GIT1: variants seen among roughly 807,000 people sequenced by gnomAD.
The protein encoded by GIT1 is GIT ArfGAP 1, also known as ARF GTPase-activating protein GIT1.
GIT1 carries 14 observed loss-of-function variants against 91.7 expected under a neutral mutation model. The ratio of observed to expected loss-of-function variants is 0.15; its 90% CI spans 0.10 to 0.24. The LOEUF (loss-of-function observed/expected upper bound fraction) is 0.24, where lower values mean the gene tolerates loss of function less well. Ranked by LOEUF, GIT1 falls within the 10% of genes least tolerant of loss-of-function variation. The probability of loss-of-function intolerance (pLI) is 1.00; values close to 1 mark genes in which losing one functional copy is unlikely to be tolerated. For synonymous variants in GIT1, 414 were observed against 418.2 expected (o/e 0.99, Z 0.12); for missense variants, 717 against 1,024.9 (o/e 0.70, Z 4.10).
Position 29,576,275 on chromosome 17 carries a change from A to C in GIT1, c.1556T>G (p.Phe519Cys). 1.2e-6 allele frequency: 2 copies of C among 1,611,592 alleles called. No homozygotes were observed. The highest frequency in any genetic ancestry group is 1.7e-6 in the Non-Finnish European group (2 of 1,178,846). ...MYEPGSALKP[F>C]GGPPGDELTT... ...GAGCTCGTCCCCAGGGGGGCCCCCA[A>C]AGGGCTTCAGGGCAGAGCCAGGTTC... Residue 519 changes from phenylalanine (F) to cysteine (C), a missense_variant, in exon 14 of 20, where the codon TTT becomes TGT. By Grantham distance (205) the Phe-to-Cys change is radical. Around this residue, in one of 3 missense-constraint regions of GIT1, gnomAD observed 312 missense variants for 349.5 expected, o/e 0.89. Transcript: ENST00000225394.
chr17:29,578,408 A>C (rs549583391), intron 8 of GIT1, 37 bp from the exon 9 acceptor site: 1 of 1,594,778 alleles, frequency 6.3e-7, no homozygotes, highest in Non-Finnish European at 8.6e-7. Flanking sequence ...TGTCAGATGC[A>C]TCGGCTCCCA....
At chr17:29,588,778 G>A (rs779674800) in intron 1 of GIT1, among the ~76,000 whole-genome samples, 11 of 152,184 alleles carry the variant, frequency 7.2e-5, no homozygotes, top group Non-Finnish European at 1.5e-4. Context: ...CCCGAGGCAG[G>A]GAGTCCTGGG....
chr17:29,576,107 A>G lies in GIT1; in HGVS notation c.1636T>C (p.Ser546Pro). The change falls in exon 15 of 20, where the codon TCA becomes CCA. Residue 546 changes from serine to proline, a missense_variant. This residue lies in a region of GIT1 where 312 missense variants were observed against 349.5 expected (regional missense o/e 0.89). Coordinates refer to ENST00000225394, the MANE Select transcript of GIT1 (RefSeq NM_014030.4). ...STELEDDAIY[S>P]VHVPAGLYRI... ...TAAAGGCCAGCAGGGACGTGCACTGAATAGATGGCGTCGTCCTCTAGCTCC... is the reference window on the plus strand; with the variant it reads ...TAAAGGCCAGCAGGGACGTGCACTGGATAGATGGCGTCGTCCTCTAGCTCC... 2 of 1,613,826 alleles carry G rather than the reference A, an allele frequency of 1.2e-6. No individual in the cohort carries two copies. The highest frequency in any genetic ancestry group is 1.7e-6 in the Non-Finnish European group (2 of 1,179,966).
chr17:29,575,272 C>T lies in GIT1; in HGVS notation c.2009+16G>A, dbSNP rs761903268. 35 of 1,602,280 alleles carry T rather than the reference C, an allele frequency of 2.2e-5. No homozygotes were observed. Among genetic ancestry groups the T allele is most frequent in the Non-Finnish European group, 2.8e-5 (33 of 1,173,122 alleles). On this transcript the variant is annotated intron_variant, in intron 18 of 19. Coordinates refer to ENST00000225394, the MANE Select transcript of GIT1 (RefSeq NM_014030.4). This position sits in a 1 kb window ranked among gnomAD's most constrained non-coding sequence, Gnocchi z 5.5. Reference sequence around the variant, plus strand: ...ACAGGAACTGCATCCCCCTCACCTCCCCCTCCACTCAGTACCTGTCATGCT... The same window carrying T: ...ACAGGAACTGCATCCCCCTCACCTCTCCCTCCACTCAGTACCTGTCATGCT...
chr17:29,574,977 A>G (rs775318741), intron 19 of GIT1, 63 bp from the exon 20 acceptor site: 26 of 1,493,730 alleles, frequency 1.7e-5, no homozygotes, highest in Non-Finnish European at 2.2e-5. Flanking sequence ...ATCAGGGCCC[A>G]GTTTGTCTGT....
At position 29,581,225 on chromosome 17, in the gene GIT1, G is replaced by A. The variant is rs1052884072; in HGVS notation, c.761+113C>T. On this transcript the variant is annotated intron_variant, in intron 7 of 19. Coordinates refer to ENST00000225394, the MANE Select transcript of GIT1 (RefSeq NM_014030.4). This position sits in a 1 kb window ranked among gnomAD's most constrained non-coding sequence, Gnocchi z 4.8. Reference sequence around the variant, plus strand: ...GGACTAAGCTGTGCCTCTAGTCTCTGGGGGGAGGGAGCAGGGTCCTAGGCC... The same window carrying A: ...GGACTAAGCTGTGCCTCTAGTCTCTAGGGGGAGGGAGCAGGGTCCTAGGCC... 1 of 783,886 alleles carries A rather than the reference G, an allele frequency of 1.3e-6. No individual in the cohort carries two copies. Among genetic ancestry groups the A allele is most frequent in the East Asian group, 2.5e-5 (1 of 39,712 alleles). The allele number at this position is 783,886 out of a possible 1,614,324, so 48.6% of individuals were successfully genotyped here.
intron 4 of GIT1, among the ~76,000 whole-genome samples, 182 bp from the exon 5 acceptor site, chr17:29,582,326 G>A (rs984308760): frequency 3.3e-5 from 5 of 152,244 alleles, no homozygotes; most frequent in East Asian, 1.9e-4. Flanking sequence ...AAACGCTGCC[G>A]TCAGTCACCA....
At chr17:29,583,411 AG>A in intron 2 of GIT1, 71 bp downstream of exon 2, 3 of 1,524,356 alleles carry the variant, frequency 2.0e-6, no homozygotes, top group East Asian at 2.3e-5. Flanking sequence ...TATGTGGGTG[AG>A]GGGGAAACGC....
Position 29,581,274 on chromosome 17 carries a change from TG to T in GIT1, c.761+63del. ...CCTCTGAAACCTGGGCTGGGAGCTC[TG>T]GGGGTCAGCCACCCACATGGCATCC... On this transcript the variant is annotated intron_variant, in intron 7 of 19. Transcript: ENST00000225394. The surrounding 1 kb of genome is among the most constrained non-coding windows in gnomAD (Gnocchi z 4.8). The T allele has an allele frequency of 8.0e-7, 1 of 1,257,418 alleles. No homozygotes were observed. Among genetic ancestry groups the T allele is most frequent in the South Asian group, 1.2e-5 (1 of 83,724 alleles). 77.9% of individuals were successfully genotyped at this position (1,257,418 alleles called of 1,614,324 possible). A position where few individuals can be genotyped will look rare whatever the true frequency, so the allele number is the denominator to read the frequency against.
intron 1 of GIT1, among the ~76,000 whole-genome samples, chr17:29,584,141 C>T (rs1185033888): frequency 6.6e-6 from 1 of 152,216 alleles, no homozygotes; most frequent in African/African-American, 2.4e-5. Flanking sequence ...TAAGCTGGAG[C>T]CCTCTTAAGG....
At chr17:29,584,278 C>G (rs2033507504) in intron 1 of GIT1, among the ~76,000 whole-genome samples, 1 of 152,250 alleles carries the variant, frequency 6.6e-6, no homozygotes, top group South Asian at 2.1e-4. Flanking sequence ...GATGAAGAAA[C>G]AGTGGCTCAG....
At chr17:29,588,417 G>A (rs2033672486) in intron 1 of GIT1, among the ~76,000 whole-genome samples, 1 of 152,178 alleles carries the variant, frequency 6.6e-6, no homozygotes, top group African/African-American at 2.4e-5. Context: ...AGCAGGCCTG[G>A]GGGGTTTCAC....
chr17:29,582,240 G>T, intron 4 of GIT1, 96 bp from the exon 5 acceptor site: 1 of 903,452 alleles, frequency 1.1e-6, no homozygotes, highest in Non-Finnish European at 1.7e-6. Flanking sequence ...ACACCTAGCA[G>T]CTCCAAGGAG....
Position 29,578,396 on chromosome 17 carries a change from G to T in GIT1, c.811-25C>A, listed in dbSNP as rs551714956. On this transcript the variant is annotated intron_variant, in intron 8 of 19. Coordinates refer to ENST00000225394, the MANE Select transcript of GIT1 (RefSeq NM_014030.4). ...GCTGGAGGAAGAGAGGGGCCCAGATGTTGTCAGATGCATCGGCTCCCAGTG... is the reference window on the plus strand; with the variant it reads ...GCTGGAGGAAGAGAGGGGCCCAGATTTTGTCAGATGCATCGGCTCCCAGTG... 2.0e-5 allele frequency: 32 copies of T among 1,608,350 alleles called. No homozygotes were observed. The African/African-American group carries it at 3.9e-4, about 19-fold the overall frequency.
In GIT1 at chr17:29,575,918, T is replaced by C. The variant is rs756078582; in HGVS notation, c.1666-20A>G. On this transcript the variant is annotated intron_variant, in intron 15 of 19. Coordinates refer to ENST00000225394, the MANE Select transcript of GIT1 (RefSeq NM_014030.4). The surrounding 1 kb of genome is among the most constrained non-coding windows in gnomAD (Gnocchi z 5.5). Reference sequence around the variant, plus strand: ...CCGGATCTGAAACCCAGGGCAGCGCTGGATGGAGTCAGTGTGCCCCACTGC... The same window carrying C: ...CCGGATCTGAAACCCAGGGCAGCGCCGGATGGAGTCAGTGTGCCCCACTGC... 10 of 1,592,798 alleles carry C rather than the reference T, an allele frequency of 6.3e-6. No homozygotes were observed. In the South Asian group the frequency reaches 9.0e-5, roughly 14 times the overall value.
rs765516078 is a variant in GIT1 at position 29,578,793 on chromosome 17, G to A, written c.762-14C>T. 1 of 1,613,714 alleles carries A rather than the reference G, an allele frequency of 6.2e-7. No individual in the cohort carries two copies. The highest frequency in any genetic ancestry group is 2.2e-5 in the East Asian group (1 of 44,878). On this transcript the variant is annotated splice_polypyrimidine_tract_variant and intron_variant, in intron 7 of 19. Coordinates refer to ENST00000225394, the MANE Select transcript of GIT1 (RefSeq NM_014030.4). ...GATAAGTCAAGGCTGAGGGCAGAGG[G>A]AGATGGGAATTGGGAGGAGAGGAGA...
rs374787973 is a variant in GIT1, at chr17:29,578,361, C to T, written c.821G>A (p.Arg274Gln). The T allele has an allele frequency of 1.7e-5, 27 of 1,614,010 alleles. No individual in the cohort carries two copies. The highest frequency in any genetic ancestry group is 2.2e-5 in the Non-Finnish European group (26 of 1,179,990). The change falls in exon 9 of 20, where the codon CGG becomes CAG. Residue 274 changes from arginine to glutamine, a missense_variant. Physicochemically the swap from Arg to Gln is conservative, Grantham distance 43. This residue lies in a region of GIT1 where 271 missense variants were observed against 451.6 expected (regional missense o/e 0.60). Coordinates refer to ENST00000225394, the MANE Select transcript of GIT1 (RefSeq NM_014030.4). Reference protein sequence around the residue: ...AKKKLQALSNRLFEELAMDVY... With the variant: ...AKKKLQALSNQLFEELAMDVY... ...GTCCATGGCGAGTTCCTCAAAAAGC[C>T]GGTTGCTGAGCTGGAGGAAGAGAGG...
At chr17:29,584,317 G>A (rs527549037) in intron 1 of GIT1, among the ~76,000 whole-genome samples, 5 of 152,354 alleles carry the variant, frequency 3.3e-5, no homozygotes, top group East Asian at 3.9e-4. Context: ...TCAAGGATGC[G>A]AGGCTAATGA....
rs762565788 is a variant in GIT1 at position 29,575,299 on chromosome 17, G to A, written c.1998C>T (p.Phe666=). The A allele has an allele frequency of 5.0e-6, 8 of 1,611,688 alleles. No homozygotes were observed. The South Asian group carries it at 7.7e-5, about 16-fold the overall frequency. The change falls in exon 18 of 20, where the codon TTC becomes TTT. Residue 666 remains phenylalanine (F), a synonymous_variant. Transcript: ENST00000225394. The surrounding 1 kb of genome is among the most constrained non-coding windows in gnomAD (Gnocchi z 5.5). Reference sequence around the variant, plus strand: ...CCTCCACTCAGTACCTGTCATGCTTGAACTCCTGGGCTGCCCGCAACAGTT... The same window carrying A: ...CCTCCACTCAGTACCTGTCATGCTTAAACTCCTGGGCTGCCCGCAACAGTT... ...IQELLRAAQE[F]KHDSFVPCSE...
Sources: allele counts gnomAD v4.1 joint callset (sites outside exome capture counted in the v4.1 genomes callset), GRCh38; gene constraint gnomAD v4.1.1; regional missense constraint gnomAD v4.1.1; non-coding constraint Gnocchi (gnomAD v3.1); transcripts MANE v1.5; gene names NCBI Gene and HGNC (gene_info 2026-07-23, HGNC 2026-07-21).